The following RDH8 variants were observed in gnomAD, a reference collection of about 807,000 sequenced individuals.
The protein encoded by RDH8 is photoreceptor outer segment all-trans retinol dehydrogenase.
RDH8 carries 14 observed loss-of-function variants against 22.3 expected under a neutral mutation model. That is an observed-to-expected ratio of 0.63 (90% CI 0.42 to 0.98). The LOEUF (loss-of-function observed/expected upper bound fraction) is 0.98, where lower values mean the gene tolerates loss of function less well. Ranked by LOEUF, RDH8 falls within the 50% of genes least tolerant of loss-of-function variation. RDH8 has a pLI of 0.00. For missense variants in RDH8, 389 were observed against 409.8 expected (o/e 0.95, Z 0.44); for synonymous variants, 175 against 171.7 (o/e 1.02, Z -0.15).
intron 2 of RDH8, among the ~76,000 whole-genome samples, chr19:10,018,165 G>A (rs1968237): frequency 0.51 from 77,877 of 151,422 alleles, 20,312 homozygotes; most frequent in South Asian, 0.68. Flanking sequence ...GGCTGGTCTC[G>A]AAGCCTGACC....
Position 10,013,507 on chromosome 19 carries a change from G to A in RDH8, c.10G>A (p.Ala4Thr). 3 of 1,613,194 alleles carry A rather than the reference G, an allele frequency of 1.9e-6. No individual in the cohort carries two copies. The highest frequency in any genetic ancestry group is 2.5e-6 in the Non-Finnish European group (3 of 1,180,010). Reference protein sequence around the residue: MAAAPRTVLISGCS... With the variant: MAATPRTVLISGCS... Reference sequence around the variant, plus strand: ...CAGGGAGGGGATCAACATGGCCGCTGCACCCCGGACTGTGTTGATCTCCGG... The same window carrying A: ...CAGGGAGGGGATCAACATGGCCGCTACACCCCGGACTGTGTTGATCTCCGG... The change falls in exon 1 of 6, where the codon GCA becomes ACA. Residue 4 changes from alanine (A) to threonine (T), a missense_variant. Transcript: ENST00000591589.
chr19:10,016,912 T>C (rs943120158), intron 1 of RDH8, 145 bp from the exon 2 acceptor site: 70 of 830,594 alleles, frequency 8.4e-5, no homozygotes, highest in Non-Finnish European at 1.2e-4. Flanking sequence ...AGTGTGCACT[T>C]GTTGGCTGAG....
intron 4 of RDH8, 38 bp downstream of exon 4, chr19:10,020,840 G>T: frequency 6.9e-7 from 1 of 1,454,742 alleles, no homozygotes; most frequent in Non-Finnish European, 9.6e-7. Context: ...CTTGGAGCCA[G>T]TGATGGGGAG....
Position 10,018,913 on chromosome 19 carries a change from G to T in RDH8, c.442+3G>T. Reference sequence around the variant, plus strand: ...CAGCAGTGTCATGGGCCTGCAGGGTGAGCTGTGGGGACCCAACCCTGGAAA... The same window carrying T: ...CAGCAGTGTCATGGGCCTGCAGGGTTAGCTGTGGGGACCCAACCCTGGAAA... On this transcript the variant is annotated splice_donor_region_variant and intron_variant, in intron 3 of 5. Transcript: ENST00000591589. 1 of 1,596,364 alleles carries T rather than the reference G, an allele frequency of 6.3e-7. No individual in the cohort carries two copies. The highest frequency in any genetic ancestry group is 1.1e-5 in the South Asian group (1 of 89,350).
chr19:10,019,782 C>T (rs755936572), intron 3 of RDH8, among the ~76,000 whole-genome samples: 21 of 151,612 alleles, frequency 1.4e-4, no homozygotes, highest in Non-Finnish European at 2.5e-4. Context: ...GCCTGGGCAA[C>T]AAGAGCAAGA....
intron 2 of RDH8, among the ~76,000 whole-genome samples, 174 bp from the exon 3 acceptor site, chr19:10,018,557 A>G (rs1245143323): frequency 1.3e-5 from 2 of 152,208 alleles, no homozygotes; most frequent in Admixed American, 6.5e-5. Context: ...AGGATCCCCT[A>G]TGACAAATGC....
At chr19:10,021,203 G>A (rs2087655829) in intron 4 of RDH8, 52 bp from the exon 5 acceptor site, 1 of 1,560,746 alleles carries the variant, frequency 6.4e-7, no homozygotes, top group South Asian at 1.2e-5. Context: ...GACAAAATAG[G>A]TCAGGGAGTG....
chr19:10,020,358 G>GAGCGAGGGAGGAAGGA (rs1555744727), intron 3 of RDH8, among the ~76,000 whole-genome samples: 9 of 134,038 alleles, frequency 6.7e-5, no homozygotes, highest in South Asian at 3.1e-4. Flanking sequence ...GGGAGGGAGG[G>GAGCGAGGGAGGAAGGA]AGGAAGGAAG....
rs767606483 is a variant in RDH8, at chr19:10,018,764, T to C, written c.296T>C (p.Leu99Pro). The C allele has an allele frequency of 1.2e-6, 2 of 1,612,854 alleles. No individual in the cohort carries two copies. Among genetic ancestry groups the C allele is most frequent in the Non-Finnish European group, 1.7e-6 (2 of 1,179,156 alleles). The stretch of plus-strand genomic sequence containing the variant: ...GCTGGAATGGGCCTGGTGGGGCCCC[T>C]GGAGGGGCTCAGCCTTGCTGCCATG... ...NNAGMGLVGP[L>P]EGLSLAAMQN... The change falls in exon 3 of 6, where the codon CTG becomes CCG. Residue 99 changes from leucine (L) to proline (P), a missense_variant. Coordinates refer to ENST00000591589, the MANE Select transcript of RDH8 (RefSeq NM_015725.4).
At position 10,021,938 on chromosome 19, in the gene RDH8, C is replaced by T. The variant is rs928560511; in HGVS notation, c.*189C>T. On this transcript the variant is annotated 3_prime_UTR_variant, in exon 6 of 6. Transcript: ENST00000591589. ...GGCATAGACTCCTCTGTGGTCACAGCTGGAGCACAGAGAGGGACCCTGGGA... is the reference window on the plus strand; with the variant it reads ...GGCATAGACTCCTCTGTGGTCACAGTTGGAGCACAGAGAGGGACCCTGGGA... 3 of 662,170 alleles carry T rather than the reference C, an allele frequency of 4.5e-6. No individual in the cohort carries two copies. The highest frequency in any genetic ancestry group is 7.5e-6 in the Non-Finnish European group (3 of 397,484). 41.0% of individuals were successfully genotyped at this position (662,170 alleles called of 1,614,324 possible).
chr19:10,018,095 G>A (rs2087633455), intron 2 of RDH8, among the ~76,000 whole-genome samples: 2 of 152,034 alleles, frequency 1.3e-5, no homozygotes, highest in Non-Finnish European at 2.9e-5. Flanking sequence ...ACAGGCAGGC[G>A]CCACCACACT....
At chr19:10,017,433 C>T (rs1249395083) in intron 2 of RDH8, among the ~76,000 whole-genome samples, 1 of 152,132 alleles carries the variant, frequency 6.6e-6, no homozygotes, top group Non-Finnish European at 1.5e-5. Context: ...AATCCTAGCA[C>T]TTTGGGAGGC....
chr19:10,020,643 ACC>A, intron 3 of RDH8, 64 bp from the exon 4 acceptor site: 1 of 982,730 alleles, frequency 1.0e-6, no homozygotes, highest in Non-Finnish European at 1.6e-6. Flanking sequence ...AGACCCCATC[ACC>A]CTGGAACCCA....
intron 1 of RDH8, among the ~76,000 whole-genome samples, chr19:10,016,233 G>A (rs7248833): frequency 0.52 from 76,306 of 148,040 alleles, 19,942 homozygotes; most frequent in South Asian, 0.68. Flanking sequence ...TGCAAGCTCC[G>A]CCTCCCGGGT....
intron 1 of RDH8, among the ~76,000 whole-genome samples, 173 bp downstream of exon 1, chr19:10,013,773 T>C (rs1199855018): frequency 1.3e-5 from 2 of 152,122 alleles, no homozygotes; most frequent in African/African-American, 4.8e-5. Flanking sequence ...CTGGGTGCTC[T>C]GAATGCTGGC....
intron 1 of RDH8, among the ~76,000 whole-genome samples, chr19:10,015,552 C>T (rs990343504): frequency 1.1e-4 from 16 of 151,740 alleles, no homozygotes; most frequent in East Asian, 1.9e-4. Flanking sequence ...TTGCTTGAAC[C>T]GGGAGACAGA....
In RDH8 at chr19:10,018,718, C is replaced by T; in HGVS notation, c.263-13C>T. On this transcript the variant is annotated splice_polypyrimidine_tract_variant and intron_variant, in intron 2 of 5. Transcript: ENST00000591589. ...AGGGACTTTAAGGTAACCCTTAGTA[C>T]CTCTTCTCTTAGTGAATAATGCTGG... 6.3e-7 allele frequency: 1 copy of T among 1,588,408 alleles called. No individual in the cohort carries two copies. Among genetic ancestry groups the T allele is most frequent in the Non-Finnish European group, 8.6e-7 (1 of 1,164,074 alleles).
chr19:10,020,515 C>T (rs1440936509), intron 3 of RDH8, among the ~76,000 whole-genome samples, 194 bp from the exon 4 acceptor site: 2 of 151,970 alleles, frequency 1.3e-5, no homozygotes, highest in Non-Finnish European at 2.9e-5. Context: ...ACCCGGCACC[C>T]GAGAACAACC....
chr19:10,021,224 C>G, intron 4 of RDH8, 31 bp from the exon 5 acceptor site: 1 of 1,602,424 alleles, frequency 6.2e-7, no homozygotes, highest in Middle Eastern at 1.7e-4. Context: ...GTTGGGGCAT[C>G]AGACTTACAC....
Sources: gnomAD v4.1 joint callset for allele counts (sites outside exome capture counted in the v4.1 genomes callset) on GRCh38, gnomAD v4.1.1 for gene constraint, MANE v1.5 for transcripts, NCBI Gene and HGNC (gene_info 2026-07-23, HGNC 2026-07-21) for gene names.